Variants in CYP4F2 observed in about 807,000 individuals in gnomAD.
CYP4F2 encodes cytochrome P450 family 4 subfamily F member 2.
A neutral mutation model predicts 58.9 loss-of-function variants in CYP4F2; 58 were observed. That is an observed-to-expected ratio of 0.98 (90% CI 0.80 to 1.23). The LOEUF is 1.23. Among genes scored for constraint, CYP4F2 ranks in the 50% most tolerant of loss-of-function variants. The pLI, the probability that CYP4F2 is intolerant of heterozygous loss-of-function variation, is 0.00. For synonymous variants in CYP4F2, 287 were observed against 261.1 expected, an observed-to-expected ratio of 1.10 and a Z score of -0.95; for missense variants, 616 against 685.6, an observed-to-expected ratio of 0.90 and a Z score of 1.13.
intron 5 of CYP4F2, among the ~76,000 whole-genome samples, chr19:15,891,169 G>A (rs2089414065): frequency 6.6e-6 from 1 of 152,116 alleles, no homozygotes; most frequent in Non-Finnish European, 1.5e-5. Flanking sequence ...TGAGGGATAA[G>A]GTAAAGACTC....
chr19:15,893,773 GA>G, intron 3 of CYP4F2: 1 of 241,290 alleles, frequency 4.1e-6, no homozygotes, highest in Non-Finnish European at 9.3e-6. Context: ...CACGTGGGGA[GA>G]AAGATGTGGA....
intron 9 of CYP4F2, among the ~76,000 whole-genome samples, chr19:15,885,477 T>C (rs1360508284): frequency 6.6e-6 from 1 of 152,148 alleles, no homozygotes; most frequent in Non-Finnish European, 1.5e-5. Context: ...ATGGGACGGA[T>C]GAACAGTGCA....
intron 9 of CYP4F2, 69 bp downstream of exon 9, chr19:15,885,854 TC>T (rs2089374463): frequency 1.3e-6 from 2 of 1,553,518 alleles, no homozygotes; most frequent in Non-Finnish European, 1.7e-6. Flanking sequence ...CAGCTTTTCC[TC>T]CCCTCCCCAC....
Position 15,897,616 on chromosome 19 carries a change from C to T in CYP4F2, c.-1-4G>A, listed in dbSNP as rs769592913. ...GGACAGGCTCAGCTGGGACATCCTGCAGGGCAGACGGGATGGACGGTGAGA... is the reference window on the plus strand; with the variant it reads ...GGACAGGCTCAGCTGGGACATCCTGTAGGGCAGACGGGATGGACGGTGAGA... On this transcript the variant is annotated splice_region_variant and splice_polypyrimidine_tract_variant and intron_variant, in intron 1 of 12. Coordinates refer to ENST00000221700, the MANE Select transcript of CYP4F2 (RefSeq NM_001082.5). 2.5e-6 allele frequency: 4 copies of T among 1,613,306 alleles called. No homozygotes were observed. In the South Asian group the frequency reaches 3.3e-5, roughly 13 times the overall value.
At chr19:15,884,485 A>T (rs3093177) in intron 9 of CYP4F2, among the ~76,000 whole-genome samples, 3,633 of 152,306 alleles carry the variant, frequency 0.024, 131 homozygotes, top group African/African-American at 0.082. Flanking sequence ...TATGTTAGTT[A>T]TGTTTCTAGC....
Position 15,889,647 on chromosome 19 carries a change from C to T in CYP4F2, c.694G>A (p.Val232Ile), listed in dbSNP as rs1377882632. The change falls in exon 7 of 13, where the codon GTA becomes ATA. Residue 232 changes from valine to isoleucine, a missense_variant. Physicochemically the swap from Val to Ile is conservative, Grantham distance 29. Coordinates refer to ENST00000221700, the MANE Select transcript of CYP4F2 (RefSeq NM_001082.5). Reference sequence around the variant, plus strand: ...AGGATCTCATGGTGTCTTTTTGATACAAGGGCACTGAGCTCCAAGATGGCG... The same window carrying T: ...AGGATCTCATGGTGTCTTTTTGATATAAGGGCACTGAGCTCCAAGATGGCG... ...IAAILELSAL[V>I]SKRHHEILLH... 1.9e-6 allele frequency: 3 copies of T among 1,614,022 alleles called. No homozygotes were observed. In the African/African-American group the frequency reaches 4.0e-5, roughly 22 times the overall value.
intron 2 of CYP4F2, among the ~76,000 whole-genome samples, chr19:15,895,898 C>G (rs554159811): frequency 4.3e-4 from 63 of 146,014 alleles, no homozygotes; most frequent in African/African-American, 1.4e-3. Flanking sequence ...CTATTAATAG[C>G]CATCTATCCG....
chr19:15,879,844 C>A lies in CYP4F2; in HGVS notation c.1169G>T (p.Arg390Leu). The A allele has an allele frequency of 6.2e-7, 1 of 1,614,098 alleles. No individual in the cohort carries two copies. Among genetic ancestry groups the A allele is most frequent in the Non-Finnish European group, 8.5e-7 (1 of 1,180,012 alleles). Residue 390 changes from arginine to leucine, a missense_variant, in exon 10 of 13, where the codon CGG (arginine) becomes CTG (leucine). By Grantham distance (102) the Arg-to-Leu change is moderately radical. Coordinates refer to ENST00000221700, the MANE Select transcript of CYP4F2 (RefSeq NM_001082.5). ...GATGACCGGGACTGGGGGATGCAGC[C>A]GCAGGCTCTCCTTCATGCACATGGT... is the stretch of plus-strand genomic sequence containing the variant. ...FLTMCMKESL[R>L]LHPPVPVISR...
At chr19:15,893,878 G>C in intron 3 of CYP4F2, 2 of 266,174 alleles carry the variant, frequency 7.5e-6, no homozygotes, top group Non-Finnish European at 1.5e-5. Context: ...TCTGAGCTGT[G>C]AATCTGGAGA....
In CYP4F2 at chr19:15,897,456, T is replaced by A; in HGVS notation, c.156A>T (p.Pro52=). 6.2e-7 allele frequency: 1 copy of A among 1,613,728 alleles called. No individual in the cohort carries two copies. Among genetic ancestry groups the A allele is most frequent in the Non-Finnish European group, 8.5e-7 (1 of 1,179,884 alleles). ...AAAACCAGTTCCGTCTTGGGGGTTG[T>A]GGGAAACACCGAAGGCGGCGGCAGT... ...YDNCRRLRCF[P]QPPRRNWFWG... The change falls in exon 2 of 13, where the codon CCA becomes CCT. Residue 52 remains proline (P), a synonymous_variant. Coordinates refer to ENST00000221700, the MANE Select transcript of CYP4F2 (RefSeq NM_001082.5).
At chr19:15,883,747 C>G (rs2089358804) in intron 9 of CYP4F2, among the ~76,000 whole-genome samples, 1 of 151,892 alleles carries the variant, frequency 6.6e-6, no homozygotes, top group Admixed American at 6.6e-5. Context: ...AACCTAAGTG[C>G]CCATCAACTG....
chr19:15,889,496 C>A lies in CYP4F2; in HGVS notation c.845G>T (p.Gly282Val), dbSNP rs769222149. ...CTTGGCTTGGAGGAAGTCATCAACACCCTGGCTAGGGAGAGTGCGGCGCCG... is the reference window on the plus strand; with the variant it reads ...CTTGGCTTGGAGGAAGTCATCAACAACCTGGCTAGGGAGAGTGCGGCGCCG... The part of the protein sequence containing the change: ...QERRRTLPSQ[G>V]VDDFLQAKAK... Residue 282 changes from glycine to valine, a missense_variant, in exon 7 of 13, where the codon GGT (glycine) becomes GTT (valine). By Grantham distance (109) the Gly-to-Val change is moderately radical. Transcript: ENST00000221700. 6 of 1,614,082 alleles carry A rather than the reference C, an allele frequency of 3.7e-6. No individual in the cohort carries two copies. In the African/African-American group the frequency reaches 5.3e-5, roughly 14 times the overall value.
At chr19:15,883,634 A>G (rs917912607) in intron 9 of CYP4F2, among the ~76,000 whole-genome samples, 6 of 152,262 alleles carry the variant, frequency 3.9e-5, no homozygotes, top group Admixed American at 3.9e-4. Context: ...GAAAAGAAAG[A>G]GAAGAAATTT....
chr19:15,895,452 T>C, intron 3 of CYP4F2, 54 bp downstream of exon 3: 2 of 1,458,694 alleles, frequency 1.4e-6, no homozygotes, highest in Non-Finnish European at 1.8e-6. Context: ...AGCTTGGGGA[T>C]AGCGGAAGTG....
chr19:15,878,887 C>G lies in CYP4F2; in HGVS notation c.1447G>C (p.Ala483Pro). 12 of 1,614,004 alleles carry G rather than the reference C, an allele frequency of 7.4e-6. No individual in the cohort carries two copies. The highest frequency in any genetic ancestry group is 1.0e-5 in the Non-Finnish European group (12 of 1,179,960). ...ACGCGGAAGCGCAGCAGCGTGAGCG[C>G]CAGGACCACCTTCATCTCCGCCATC... ...FAMAEMKVVL[A>P]LTLLRFRVLP... The change falls in exon 13 of 13, where the codon GCG becomes CCG. Residue 483 changes from alanine (A) to proline (P), a missense_variant. Ala to Pro is a conservative substitution (Grantham distance 27, BLOSUM62 -1). Transcript: ENST00000221700.
At position 15,879,594 on chromosome 19, in the gene CYP4F2, G is replaced by A; in HGVS notation, c.1314+10C>T. 3 of 1,613,912 alleles carry A rather than the reference G, an allele frequency of 1.9e-6. No homozygotes were observed. Among genetic ancestry groups the A allele is most frequent in the Non-Finnish European group, 2.5e-6 (3 of 1,179,936 alleles). ...TGGAATGGACAAAAACAGAGAGAGGGGCCCCGCACCTCAGGGTCCGGCCAC... is the reference window on the plus strand; with the variant it reads ...TGGAATGGACAAAAACAGAGAGAGGAGCCCCGCACCTCAGGGTCCGGCCAC... On this transcript the variant is annotated intron_variant, in intron 11 of 12. Transcript: ENST00000221700.
chr19:15,897,203 T>C (rs1012541680), intron 2 of CYP4F2, among the ~76,000 whole-genome samples: 2 of 152,050 alleles, frequency 1.3e-5, no homozygotes, highest in African/African-American at 4.8e-5. Context: ...AAGGATTCAA[T>C]GCAGGCCTGG....
chr19:15,879,278 C>T, intron 12 of CYP4F2, 68 bp downstream of exon 12: 4 of 1,553,532 alleles, frequency 2.6e-6, no homozygotes, highest in Non-Finnish European at 3.5e-6. Flanking sequence ...TCCCCCTTTT[C>T]CCCACTGTCA....
At position 15,886,036 on chromosome 19, in the gene CYP4F2, T is replaced by G. The variant is rs780101483; in HGVS notation, c.1003A>C (p.Ser335Arg). 1.9e-5 allele frequency: 31 copies of G among 1,613,808 alleles called. 1 individual carries two copies. In the South Asian group the frequency reaches 3.4e-4, roughly 18 times the overall value. Reference protein sequence around the residue: ...FMFEGHDTTASGLSWVLYHLA... With the variant: ...FMFEGHDTTARGLSWVLYHLA... Reference sequence around the variant, plus strand: ...TGGTACAGGACCCAGGAGAGACCACTGGCCGTGGTGTCATGGCCTGGGGGG... The same window carrying G: ...TGGTACAGGACCCAGGAGAGACCACGGGCCGTGGTGTCATGGCCTGGGGGG... The change falls in exon 9 of 13, where the codon AGT (serine) becomes CGT (arginine). Residue 335 changes from serine to arginine, a missense_variant. By Grantham distance (110) the Ser-to-Arg change is moderately radical. Coordinates refer to ENST00000221700, the MANE Select transcript of CYP4F2 (RefSeq NM_001082.5).
Sources: allele counts gnomAD v4.1 joint callset (sites outside exome capture counted in the v4.1 genomes callset), GRCh38; gene constraint gnomAD v4.1.1; transcripts MANE v1.5; gene names NCBI Gene and HGNC (gene_info 2026-07-23, HGNC 2026-07-21).